Variants in RALGAPA2 observed in about 807,000 individuals in gnomAD.
RALGAPA2 encodes the protein ral GTPase-activating protein subunit alpha-2.
Under a neutral mutation model 230.4 loss-of-function variants are expected in RALGAPA2, and 139 were observed. That is an observed-to-expected ratio of 0.60 (90% CI 0.53 to 0.69). RALGAPA2 has a LOEUF of 0.69. RALGAPA2 is among the 30% of genes least tolerant of loss of function. The probability of loss-of-function intolerance (pLI) is 0.00; values close to 1 mark genes in which losing one functional copy is unlikely to be tolerated. For synonymous variants in RALGAPA2, 847 were observed against 837.8 expected (o/e 1.01, Z -0.19); for missense variants, 2,163 against 2,276.0 (o/e 0.95, Z 1.01).
chr20:20,508,741 A>G (rs1479006410), intron 33 of RALGAPA2, among the ~76,000 whole-genome samples: 6 of 152,240 alleles, frequency 3.9e-5, no homozygotes, highest in Non-Finnish European at 5.9e-5. Context: ...GGCAGTCTAG[A>G]TTTCTCATAG....
At chr20:20,399,137 GAGT>G (rs2059778740) in intron 38 of RALGAPA2, among the ~76,000 whole-genome samples, 1 of 152,152 alleles carries the variant, frequency 6.6e-6, no homozygotes, top group South Asian at 2.1e-4. Context: ...CTAAGGTCAG[GAGT>G]TTGAGACCAG....
intron 4 of RALGAPA2, among the ~76,000 whole-genome samples, chr20:20,646,919 G>A (rs925142951): frequency 6.6e-6 from 1 of 151,118 alleles, no homozygotes; most frequent in South Asian, 2.1e-4. Flanking sequence ...TTCTCGTGCA[G>A]AACATTAAAG....
At chr20:20,416,340 C>T (rs936585352) in intron 37 of RALGAPA2, among the ~76,000 whole-genome samples, 1 of 152,146 alleles carries the variant, frequency 6.6e-6, no homozygotes, top group Non-Finnish European at 1.5e-5. Context: ...GCTACACCCT[C>T]ATGAGCAGGG....
intron 1 of RALGAPA2, among the ~76,000 whole-genome samples, chr20:20,691,298 C>T (rs534440830): frequency 1.8e-4 from 27 of 152,224 alleles, no homozygotes; most frequent in Non-Finnish European, 3.1e-4. Context: ...ATTTAACTTC[C>T]ACAGTTCCTC....
intron 24 of RALGAPA2, among the ~76,000 whole-genome samples, chr20:20,546,375 T>G (rs2145711411): frequency 6.6e-6 from 1 of 152,346 alleles, no homozygotes; most frequent in South Asian, 2.1e-4. Context: ...AAACTCTCTA[T>G]TTTAGACATT....
chr20:20,419,601 T>C (rs988132246), intron 37 of RALGAPA2, among the ~76,000 whole-genome samples: 1 of 152,172 alleles, frequency 6.6e-6, no homozygotes, highest in African/African-American at 2.4e-5. Context: ...ATGCCACCTG[T>C]AGGGGAGGGG....
intron 11 of RALGAPA2, among the ~76,000 whole-genome samples, chr20:20,619,631 A>T (rs1342815043): frequency 6.6e-6 from 1 of 152,234 alleles, no homozygotes; most frequent in Non-Finnish European, 1.5e-5. Flanking sequence ...AGCACTTAGT[A>T]TGTGCTGAAA....
intron 9 of RALGAPA2, among the ~76,000 whole-genome samples, chr20:20,634,311 T>G (rs1004307489): frequency 1.3e-5 from 2 of 152,196 alleles, no homozygotes; most frequent in African/African-American, 4.8e-5. Flanking sequence ...TCATGGGATC[T>G]TTTTTCAGAA....
intron 3 of RALGAPA2, among the ~76,000 whole-genome samples, chr20:20,653,891 T>C (rs1270658547): frequency 6.6e-6 from 1 of 152,174 alleles, no homozygotes; most frequent in Non-Finnish European, 1.5e-5. Flanking sequence ...TTCTTAAATA[T>C]TAAAATAAAA....
chr20:20,643,449 G>T, intron 5 of RALGAPA2, 57 bp downstream of exon 5: 1 of 1,409,894 alleles, frequency 7.1e-7, no homozygotes, highest in Non-Finnish European at 9.5e-7. Flanking sequence ...TTGTTACTTT[G>T]TGGCATTAAC....
chr20:20,439,926 G>A (rs1405441303), intron 37 of RALGAPA2, among the ~76,000 whole-genome samples: 2 of 152,188 alleles, frequency 1.3e-5, no homozygotes, highest in African/African-American at 2.4e-5. Flanking sequence ...AAGAGAAAGC[G>A]ATTTTGTTCT....
At chr20:20,530,508 A>T (rs1031065309) in intron 27 of RALGAPA2, among the ~76,000 whole-genome samples, 1 of 152,190 alleles carries the variant, frequency 6.6e-6, no homozygotes, top group Non-Finnish European at 1.5e-5. Context: ...AGTTTGGTCA[A>T]GCAGGGGCCA....
intron 38 of RALGAPA2, among the ~76,000 whole-genome samples, chr20:20,399,534 C>T (rs1569360062): frequency 6.6e-6 from 1 of 152,174 alleles, no homozygotes; most frequent in African/African-American, 2.4e-5. Context: ...CAAACTGTGG[C>T]CAACTGGCGG....
At chr20:20,650,902 T>C (rs2067375081) in intron 4 of RALGAPA2, among the ~76,000 whole-genome samples, 1 of 152,316 alleles carries the variant, frequency 6.6e-6, no homozygotes, top group South Asian at 2.1e-4. Context: ...TTATGGACCA[T>C]TTCAAAATCC....
chr20:20,583,942 A>G (rs1471051238), intron 19 of RALGAPA2, among the ~76,000 whole-genome samples: 1 of 152,092 alleles, frequency 6.6e-6, no homozygotes, highest in Admixed American at 6.5e-5. Context: ...ATCTACTCCT[A>G]ACAGTCCCTT....
At chr20:20,513,338 C>T in intron 31 of RALGAPA2, 54 bp from the exon 32 acceptor site, 1 of 1,291,498 alleles carries the variant, frequency 7.7e-7, no homozygotes, top group South Asian at 2.8e-5. Context: ...AAGATTAAAA[C>T]TCAACACCTT....
At chr20:20,448,174 TAA>T (rs2060907225) in intron 37 of RALGAPA2, among the ~76,000 whole-genome samples, 1 of 152,234 alleles carries the variant, frequency 6.6e-6, no homozygotes, top group Non-Finnish European at 1.5e-5. Flanking sequence ...ATTATAGAAA[TAA>T]GAGTTAATAT....
chr20:20,554,219 C>A (rs972942499), intron 23 of RALGAPA2, among the ~76,000 whole-genome samples: 1 of 152,150 alleles, frequency 6.6e-6, no homozygotes, highest in African/African-American at 2.4e-5. Flanking sequence ...AATCTGCCTA[C>A]CCTGGATATT....
intron 37 of RALGAPA2, among the ~76,000 whole-genome samples, chr20:20,460,434 C>A (rs1176102826): frequency 6.6e-6 from 1 of 152,084 alleles, no homozygotes; most frequent in African/African-American, 2.4e-5. Context: ...CTGGGCATGA[C>A]AATAAACAAG....
Sources: allele counts gnomAD v4.1 joint callset (sites outside exome capture counted in the v4.1 genomes callset), GRCh38; gene constraint gnomAD v4.1.1; transcripts MANE v1.5; gene names NCBI Gene and HGNC (gene_info 2026-07-23, HGNC 2026-07-21).